PTK2B: variants seen among roughly 807,000 people sequenced by gnomAD.
The protein encoded by PTK2B is protein-tyrosine kinase 2-beta.
Under a neutral mutation model 142.9 loss-of-function variants are expected in PTK2B, and 71 were observed. The ratio of observed to expected loss-of-function variants is 0.50; its 90% CI spans 0.41 to 0.61. The LOEUF is 0.61. Among genes scored for constraint, PTK2B ranks in the 20% least tolerant of loss-of-function variants. PTK2B has a pLI of 0.00. For missense variants in PTK2B, 1,105 were observed against 1,320.4 expected (o/e 0.84, Z 2.53); for synonymous variants, 519 against 503.4 (o/e 1.03, Z -0.42).
At chr8:27,339,146 C>T (rs868064025) in intron 1 of PTK2B, among the ~76,000 whole-genome samples, 2 of 152,202 alleles carry the variant, frequency 1.3e-5, no homozygotes, top group African/African-American at 4.8e-5. Context: ...GCGCAGGGTC[C>T]TGGAGGCAGT....
At position 27,435,843 on chromosome 8, in the gene PTK2B, G is replaced by A. The variant is rs542562621; in HGVS notation, c.1243+50G>A. On this transcript the variant is annotated intron_variant, in intron 14 of 30. Transcript: ENST00000346049. ...GACCGTAGTCAAGGCCCTGTGAAAT[G>A]ACATGGCAAGGACTCTGGTGACACC... is the stretch of plus-strand genomic sequence containing the variant. 3.2e-6 allele frequency: 5 copies of A among 1,573,334 alleles called. No homozygotes were observed. In the Admixed American group the frequency reaches 8.3e-5, roughly 26 times the overall value.
chr8:27,447,818 C>T (rs1317249173), intron 24 of PTK2B, among the ~76,000 whole-genome samples: 1 of 152,104 alleles, frequency 6.6e-6, no homozygotes, highest in Non-Finnish European at 1.5e-5. Context: ...GAGATCACGC[C>T]ACTGCACTCC....
chr8:27,390,879 ACAACGGGTCCATGG>A lies in PTK2B; in HGVS notation c.-37-6666_-37-6653del, dbSNP rs555175642. ...ACAGAGATTATCTTGTCCAGATCAC[ACAACGGGTCCATGG>A]CAGAGACTCAAGGCTGCCATGTTGT... On this transcript the variant is annotated intron_variant, in intron 1 of 30. Transcript: ENST00000346049. Among the ~76,000 whole-genome samples, 940 of 152,244 alleles carry A rather than the reference ACAACGGGTCCATGG, an allele frequency of 6.2e-3. 13 individuals are homozygous for A. The highest frequency in any genetic ancestry group is 0.022 in the African/African-American group (902 of 41,522).
intron 30 of PTK2B, among the ~76,000 whole-genome samples, chr8:27,456,494 C>T (rs545360670): frequency 1.3e-5 from 2 of 152,300 alleles, no homozygotes; most frequent in South Asian, 4.1e-4. Flanking sequence ...TCTGACTGCT[C>T]CTCCGACCAT....
At chr8:27,438,666 G>A (rs549623253) in intron 18 of PTK2B, among the ~76,000 whole-genome samples, 1 of 152,210 alleles carries the variant, frequency 6.6e-6, no homozygotes, top group Non-Finnish European at 1.5e-5. Flanking sequence ...CCTGGCATGG[G>A]GGACAGTGTA....
At chr8:27,456,046 T>A in intron 30 of PTK2B, among the ~76,000 whole-genome samples, 1 of 152,338 alleles carries the variant, frequency 6.6e-6, no homozygotes, top group East Asian at 1.9e-4. Context: ...ACAGGAGCCC[T>A]AGGTGGGGCT....
chr8:27,417,742 A>G (rs1299801792), intron 2 of PTK2B, among the ~76,000 whole-genome samples: 1 of 152,142 alleles, frequency 6.6e-6, no homozygotes, highest in Non-Finnish European at 1.5e-5. Flanking sequence ...TTTACTTTGT[A>G]TATGTTTGAG....
In PTK2B at chr8:27,458,685, C is replaced by T; in HGVS notation, c.*176C>T. 1 of 650,446 alleles carries T rather than the reference C, an allele frequency of 1.5e-6. No individual in the cohort carries two copies. Among genetic ancestry groups the T allele is most frequent in the South Asian group, 1.9e-5 (1 of 52,434 alleles). The allele number at this position is 650,446 out of a possible 1,614,324, so 40.3% of individuals were successfully genotyped here. On this transcript the variant is annotated 3_prime_UTR_variant, in exon 31 of 31. Transcript: ENST00000346049. ...ACCCCTGGCTGTACTGCTCAGGCTG[C>T]AGCTGGACAGAGGGGACTCTGGGCT...
intron 1 of PTK2B, among the ~76,000 whole-genome samples, chr8:27,370,501 C>T (rs918262422): frequency 2.6e-4 from 40 of 152,368 alleles, no homozygotes; most frequent in South Asian, 2.1e-3. Flanking sequence ...CCTTCCGTTA[C>T]GGCCTTCATC....
At chr8:27,414,488 C>G (rs540605458) in intron 2 of PTK2B, among the ~76,000 whole-genome samples, 3 of 151,634 alleles carry the variant, frequency 2.0e-5, no homozygotes, top group African/African-American at 7.3e-5. Flanking sequence ...CCTCGTGATC[C>G]GCCCGCCTCA....
chr8:27,334,443 A>G (rs1452815144), intron 1 of PTK2B, among the ~76,000 whole-genome samples: 1 of 152,166 alleles, frequency 6.6e-6, no homozygotes, highest in Non-Finnish European at 1.5e-5. Flanking sequence ...GCACTTCACC[A>G]GTCCTACTTA....
At chr8:27,409,039 A>G (rs2131615734) in intron 2 of PTK2B, among the ~76,000 whole-genome samples, 1 of 152,140 alleles carries the variant, frequency 6.6e-6, no homozygotes, top group South Asian at 2.1e-4. Flanking sequence ...CAAATCTTGC[A>G]CCATCTCCCC....
chr8:27,432,445 C>G, intron 10 of PTK2B, 84 bp downstream of exon 10: 1 of 1,323,296 alleles, frequency 7.6e-7, no homozygotes, highest in Non-Finnish European at 1.1e-6. Context: ...GACCAAAAGT[C>G]TGTGACACAC....
intron 1 of PTK2B, among the ~76,000 whole-genome samples, chr8:27,362,257 C>T (rs565424280): frequency 6.6e-6 from 1 of 152,254 alleles, no homozygotes; most frequent in Non-Finnish European, 1.5e-5. Context: ...CTTCTCTCTC[C>T]CCTAGGCTGA....
At chr8:27,431,831 G>A (rs1810445607) in intron 9 of PTK2B, among the ~76,000 whole-genome samples, 3 of 152,208 alleles carry the variant, frequency 2.0e-5, no homozygotes, top group African/African-American at 4.8e-5. Flanking sequence ...TGCCAGCTTG[G>A]CACATGATGT....
intron 10 of PTK2B, 95 bp from the exon 11 acceptor site, chr8:27,433,340 T>C: frequency 9.4e-7 from 1 of 1,064,070 alleles, no homozygotes; most frequent in Non-Finnish European, 1.4e-6. Flanking sequence ...CAGGCAAGGG[T>C]TGTGGCAGGG....
intron 1 of PTK2B, among the ~76,000 whole-genome samples, chr8:27,332,575 C>T (rs958291672): frequency 2.0e-5 from 3 of 151,536 alleles, no homozygotes; most frequent in Non-Finnish European, 2.9e-5. Context: ...TTTTCTTCCC[C>T]CAATTTTTTT....
At chr8:27,412,233 C>A (rs1337701529) in intron 2 of PTK2B, among the ~76,000 whole-genome samples, 3 of 152,246 alleles carry the variant, frequency 2.0e-5, no homozygotes, top group Non-Finnish European at 4.4e-5. Context: ...CCTTCCCTCC[C>A]TGGAGGTCAG....
In PTK2B at chr8:27,433,430, C is replaced by T. The variant is rs775833472; in HGVS notation, c.988-5C>T. 44 of 1,612,482 alleles carry T rather than the reference C, an allele frequency of 2.7e-5. No homozygotes were observed. Among genetic ancestry groups the T allele is most frequent in the Non-Finnish European group, 3.1e-5 (37 of 1,178,702 alleles). On this transcript the variant is annotated splice_polypyrimidine_tract_variant and splice_region_variant and intron_variant, in intron 10 of 30. Transcript: ENST00000346049. ...TCTCACCCTTGGCTGGTCTCTGCTC[C>T]GCAGGCCTTGTCCATCAAAACCTCA...
Sources: gnomAD v4.1 joint callset for allele counts (sites outside exome capture counted in the v4.1 genomes callset) on GRCh38, gnomAD v4.1.1 for gene constraint, MANE v1.5 for transcripts, NCBI Gene and HGNC (gene_info 2026-07-23, HGNC 2026-07-21) for gene names.